The following OR9Q1 variants were observed in gnomAD, a reference collection of about 807,000 sequenced individuals.
OR9Q1 encodes the protein olfactory receptor 9Q1.
For missense variants in OR9Q1, 374 were observed against 378.8 expected (o/e 0.99, Z 0.11); for synonymous variants, 153 against 148.6 (o/e 1.03, Z -0.22).
chr11:58,112,318 A>G (rs1175026084), intron 2 of OR9Q1, among the ~76,000 whole-genome samples: 1 of 152,086 alleles, frequency 6.6e-6, no homozygotes. Flanking sequence ...GATTATAAAT[A>G]TGTTTCTTTG....
intron 2 of OR9Q1, among the ~76,000 whole-genome samples, chr11:58,121,529 A>C (rs866736243): frequency 1.3e-5 from 2 of 152,198 alleles, no homozygotes; most frequent in Non-Finnish European, 2.9e-5. Context: ...ACCCACATGT[A>C]GAGGAGCCAG....
intron 2 of OR9Q1, chr11:58,119,170 A>G (rs1853996816): frequency 1.2e-6 from 2 of 1,613,896 alleles, no homozygotes; most frequent in Admixed American, 3.3e-5. Context: ...GCCGTAGGAG[A>G]TGACCGTTTT....
intron 2 of OR9Q1, among the ~76,000 whole-genome samples, chr11:58,061,980 G>A (rs1024760842): frequency 2.0e-5 from 3 of 152,180 alleles, no homozygotes; most frequent in South Asian, 2.1e-4. Context: ...TGAGTGGTAC[G>A]TGAGCAACAA....
At chr11:58,163,374 G>A (rs911323799) in intron 2 of OR9Q1, among the ~76,000 whole-genome samples, 1 of 152,212 alleles carries the variant, frequency 6.6e-6, no homozygotes, top group East Asian at 1.9e-4. Flanking sequence ...TGAATGTGCA[G>A]ATGGTCCCCA....
intron 2 of OR9Q1, among the ~76,000 whole-genome samples, chr11:58,168,627 G>A (rs1854527519): frequency 6.7e-6 from 1 of 150,098 alleles, no homozygotes; most frequent in Admixed American, 6.6e-5. Flanking sequence ...TTTTCCCTTT[G>A]GACTGGCAAT....
intron 2 of OR9Q1, among the ~76,000 whole-genome samples, chr11:58,164,903 C>A (rs1273489888): frequency 6.6e-6 from 1 of 152,186 alleles, no homozygotes; most frequent in Non-Finnish European, 1.5e-5. Context: ...AGCATGCTAT[C>A]CCTCCAGATG....
chr11:58,070,981 G>C (rs1853482067), intron 2 of OR9Q1, among the ~76,000 whole-genome samples: 1 of 152,186 alleles, frequency 6.6e-6, no homozygotes, highest in Admixed American at 6.5e-5. Context: ...GGTTGATCTT[G>C]TCAGGCAGGG....
chr11:58,112,007 G>T (rs543844874), intron 2 of OR9Q1, among the ~76,000 whole-genome samples: 1 of 152,264 alleles, frequency 6.6e-6, no homozygotes, highest in East Asian at 1.9e-4. Flanking sequence ...ATAAATATGG[G>T]CCAGGTGTGG....
chr11:58,166,182 A>G (rs574187351), intron 2 of OR9Q1, among the ~76,000 whole-genome samples: 1 of 152,304 alleles, frequency 6.6e-6, no homozygotes, highest in Non-Finnish European at 1.5e-5. Flanking sequence ...CCCATGATTT[A>G]TATTTTTAGG....
chr11:58,037,690 T>TATAGA (rs1232679301), intron 1 of OR9Q1, among the ~76,000 whole-genome samples: 1 of 9,354 alleles, frequency 1.1e-4, no homozygotes, highest in African/African-American at 5.6e-4. Context: ...TATATATATA[T>TATAGA]TTTTTTTTTT....
chr11:58,109,581 G>A, intron 2 of OR9Q1: 2 of 457,300 alleles, frequency 4.4e-6, no homozygotes, highest in Non-Finnish European at 8.8e-6. Context: ...ACACTAGGAA[G>A]AGTGGAACTG....
intron 2 of OR9Q1, among the ~76,000 whole-genome samples, chr11:58,150,622 C>T (rs962660070): frequency 1.3e-5 from 2 of 152,098 alleles, no homozygotes; most frequent in Non-Finnish European, 2.9e-5. Context: ...CATCACAGGA[C>T]AACACATGAC....
At chr11:58,028,255 G>A (rs915813985) in intron 1 of OR9Q1, among the ~76,000 whole-genome samples, 1 of 152,196 alleles carries the variant, frequency 6.6e-6, no homozygotes, top group African/African-American at 2.4e-5. Flanking sequence ...CTCCACCGTG[G>A]TTCCTAGGTC....
At chr11:58,164,568 C>A (rs967455187) in intron 2 of OR9Q1, among the ~76,000 whole-genome samples, 1 of 152,198 alleles carries the variant, frequency 6.6e-6, no homozygotes, top group African/African-American at 2.4e-5. Context: ...ATCAGGTTCA[C>A]CTGGTCCACA....
At chr11:58,120,549 C>T (rs911283392) in intron 2 of OR9Q1, among the ~76,000 whole-genome samples, 3 of 151,498 alleles carry the variant, frequency 2.0e-5, no homozygotes, top group Non-Finnish European at 4.4e-5. Context: ...TTTGGTATAT[C>T]CATCACCCGA....
At chr11:58,039,300 T>A (rs887801831) in intron 1 of OR9Q1, among the ~76,000 whole-genome samples, 1 of 152,254 alleles carries the variant, frequency 6.6e-6, no homozygotes, top group Non-Finnish European at 1.5e-5. Context: ...AAATGGAATC[T>A]TCTTCATATC....
chr11:58,090,463 G>A (rs1391033438), intron 2 of OR9Q1, among the ~76,000 whole-genome samples: 1 of 152,190 alleles, frequency 6.6e-6, no homozygotes, highest in African/African-American at 2.4e-5. Context: ...ATTTGCATAT[G>A]TTGAACCAGC....
intron 2 of OR9Q1, among the ~76,000 whole-genome samples, chr11:58,063,379 T>C (rs188249016): frequency 5.1e-4 from 77 of 152,326 alleles, no homozygotes; most frequent in African/African-American, 1.9e-3. Context: ...ATATTGCACT[T>C]ACTATAAGCC....
At chr11:58,087,109 AAATATAT>A (rs1394215138) in intron 2 of OR9Q1, among the ~76,000 whole-genome samples, 2 of 151,844 alleles carry the variant, frequency 1.3e-5, no homozygotes, top group African/African-American at 2.4e-5. Context: ...TGTACTCCAG[AAATATAT>A]AATATATAAA....
Sources: gnomAD v4.1 joint callset for allele counts (sites outside exome capture counted in the v4.1 genomes callset) on GRCh38, gnomAD v4.1.1 for gene constraint, MANE v1.5 for transcripts, NCBI Gene and HGNC (gene_info 2026-07-23, HGNC 2026-07-21) for gene names.